GJA9: variants seen among roughly 807,000 people sequenced by gnomAD.
The protein encoded by GJA9 is gap junction alpha-9 protein.
Under a neutral mutation model 0.4 loss-of-function variants are expected in GJA9, and 1 was observed. The observed-to-expected ratio is 2.50, with a 90% CI of 0.89 to 11.88. The LOEUF (loss-of-function observed/expected upper bound fraction) is 11.88. GJA9 is among the 30% of genes most tolerant of loss of function. The pLI, the probability that GJA9 is intolerant of heterozygous loss-of-function variation, is 0.12. For synonymous variants in GJA9, 190 were observed against 219.1 expected (o/e 0.87, Z 1.17); for missense variants, 550 against 602.8 (o/e 0.91, Z 0.92).
chr1:38,877,885 G>C (rs1343281189), intron 1 of GJA9, among the ~76,000 whole-genome samples: 1 of 152,264 alleles, frequency 6.6e-6, no homozygotes, highest in African/African-American at 2.4e-5. Flanking sequence ...GGCATTCAGT[G>C]AAACCAGAGG....
At chr1:38,876,606 C>CTG (rs1642591272) in intron 1 of GJA9, among the ~76,000 whole-genome samples, 1 of 152,072 alleles carries the variant, frequency 6.6e-6, no homozygotes, top group African/African-American at 2.4e-5. Flanking sequence ...CAATAATATA[C>CTG]TTAAATGTCA....
chr1:38,880,419 T>G (rs937212334), intron 1 of GJA9, among the ~76,000 whole-genome samples: 1 of 36,558 alleles, frequency 2.7e-5, no homozygotes, highest in Non-Finnish European at 6.0e-5. Flanking sequence ...AAATAAATAA[T>G]AATAATAATA....
rs1002084368 is a variant in GJA9 at position 38,874,208 on chromosome 1, A to G, written c.*343T>C. On this transcript the variant is annotated 3_prime_UTR_variant, in exon 2 of 2. Coordinates refer to ENST00000357771, the MANE Select transcript of GJA9 (RefSeq NM_030772.5). Reference sequence around the variant, plus strand: ...CCCAGTGTCCAAGGTGGAATTGTATAGATCAAGAACCATTTCCTAAGGCTG... The same window carrying G: ...CCCAGTGTCCAAGGTGGAATTGTATGGATCAAGAACCATTTCCTAAGGCTG... 22 of 345,378 alleles carry G rather than the reference A, an allele frequency of 6.4e-5. No individual in the cohort carries two copies. The highest frequency in any genetic ancestry group is 1.2e-4 in the Non-Finnish European group (21 of 181,854). The allele number at this position is 345,378 out of a possible 1,614,324, so 21.4% of individuals were successfully genotyped here. A position where few individuals can be genotyped will look rare whatever the true frequency, so the allele number is the denominator to read the frequency against.
In GJA9 at chr1:38,874,495, C is replaced by T. The variant is rs1163602818; in HGVS notation, c.*56G>A. 1.4e-6 allele frequency: 2 copies of T among 1,382,622 alleles called. No homozygotes were observed. Among genetic ancestry groups the T allele is most frequent in the Non-Finnish European group, 1.0e-6 (1 of 995,786 alleles). 85.6% of individuals were successfully genotyped at this position (1,382,622 alleles called of 1,614,324 possible). A position where few individuals can be genotyped will look rare whatever the true frequency, so the allele number is the denominator to read the frequency against. ...CCCTATCTATTTTTTCTGTGCCCCA[C>T]GACCACTAGGCTACTTCTCTGATAA... On this transcript the variant is annotated 3_prime_UTR_variant, in exon 2 of 2. Coordinates refer to ENST00000357771, the MANE Select transcript of GJA9 (RefSeq NM_030772.5).
In GJA9 at chr1:38,875,468, A is replaced by G. The variant is rs1183933757; in HGVS notation, c.631T>C (p.Phe211Leu). The change falls in exon 2 of 2, where the codon TTC (phenylalanine) becomes CTC (leucine). Residue 211 changes from phenylalanine (F) to leucine (L), a missense_variant. By Grantham distance (22) the Phe-to-Leu change is conservative. Transcript: ENST00000357771. ...GCTATAGATTGCATAAATAATAGGA[A>G]TATTGTCTTTTCTGTTGGTCTTGAG... is the stretch of plus-strand genomic sequence containing the variant. Reference protein sequence around the residue: ...FVSRPTEKTIFLLFMQSIATI... With the variant: ...FVSRPTEKTILLLFMQSIATI... 6.2e-7 allele frequency: 1 copy of G among 1,614,172 alleles called. No individual in the cohort carries two copies. Among genetic ancestry groups the G allele is most frequent in the African/African-American group, 1.3e-5 (1 of 75,068 alleles).
Position 38,874,609 on chromosome 1 carries a change from A to G in GJA9, c.1490T>C (p.Val497Ala). The change falls in exon 2 of 2, where the codon GTA becomes GCA. Residue 497 changes from valine (V) to alanine (A), a missense_variant. Coordinates refer to ENST00000357771, the MANE Select transcript of GJA9 (RefSeq NM_030772.5). The part of the protein sequence containing the change: ...CNNPVCPPNH[V>A]VSLTNNLIGR... ...AATGAGATTGTTCGTTAGGGACACT[A>G]CGTGATTTGGAGGACAAACAGGATT... The G allele has an allele frequency of 6.2e-7, 1 of 1,614,172 alleles. No individual in the cohort carries two copies. The highest frequency in any genetic ancestry group is 8.5e-7 in the Non-Finnish European group (1 of 1,180,022).
Position 38,875,196 on chromosome 1 carries a change from AT to A in GJA9, c.902del (p.Asn301IlefsTer15). ...GATTTGGCTGGAATACAGAAGATGAATTTAAACTAGGGTACACTGCAGTGTG... is the reference window on the plus strand; with the variant it reads ...GATTTGGCTGGAATACAGAAGATGAATTAAACTAGGGTACACTGCAGTGTG... Reference protein sequence around the residue: ...QTHTAVYPSLNSSSVFQPNPD... With the variant: ...QTHTAVYPSLXSSSVFQPNPD... On this transcript the variant is annotated frameshift_variant, in exon 2 of 2. Transcript: ENST00000357771. LOFTEE classifies it low-confidence loss of function (END_TRUNC). 1 of 1,614,156 alleles carries A rather than the reference AT, an allele frequency of 6.2e-7. No homozygotes were observed. Among genetic ancestry groups the A allele is most frequent in the Non-Finnish European group, 8.5e-7 (1 of 1,179,994 alleles).
intron 1 of GJA9, among the ~76,000 whole-genome samples, chr1:38,878,730 CTTT>C (rs1240029430): frequency 1.5e-4 from 15 of 103,420 alleles, no homozygotes; most frequent in Admixed American, 4.5e-4. Flanking sequence ...GTACCAGAAT[CTTT>C]TTTTTTTTTT....
At position 38,881,552 on chromosome 1, in the gene GJA9, A is replaced by G. The variant is rs1280037567; in HGVS notation, c.-216T>C. ...TATAGAGCAGATTCAGTTCAGTTGA[A>G]TGTAGTGAGTGAGTCATCCATCAAC... On this transcript the variant is annotated 5_prime_UTR_variant, in exon 1 of 2. Transcript: ENST00000357771. 5 of 689,568 alleles carry G rather than the reference A, an allele frequency of 7.3e-6. No homozygotes were observed. The Admixed American group carries it at 8.3e-5, about 12-fold the overall frequency. The allele number at this position is 689,568 out of a possible 1,614,324, so 42.7% of individuals were successfully genotyped here. A position where few individuals can be genotyped will look rare whatever the true frequency, so the allele number is the denominator to read the frequency against.
rs1294653508 is a variant in GJA9 at position 38,874,937 on chromosome 1, G to A, written c.1162C>T (p.Arg388Cys). 6.8e-6 allele frequency: 11 copies of A among 1,614,024 alleles called. No homozygotes were observed. Among genetic ancestry groups the A allele is most frequent in the African/African-American group, 1.3e-5 (1 of 74,916 alleles). The change falls in exon 2 of 2, where the codon CGT becomes TGT. Residue 388 changes from arginine (R) to cysteine (C), a missense_variant. Physicochemically the swap from Arg to Cys is radical, Grantham distance 180. Transcript: ENST00000357771. ...TCTATAGCAACACCTGGAATAGAAC[G>A]GTGACCTCTAGAGTAGTAGTTCCTT... Reference protein sequence around the residue: ...SKRNYYSRGHRSIPGVAIDGE... With the variant: ...SKRNYYSRGHCSIPGVAIDGE...
rs61745441 is a variant in GJA9 at position 38,874,709 on chromosome 1, A to G, written c.1390T>C (p.Ser464Pro). 7.0e-3 allele frequency: 11,376 copies of G among 1,614,154 alleles called. 57 individuals are homozygous for G. Among genetic ancestry groups the G allele is most frequent in the Middle Eastern group, 0.017 (101 of 6,062 alleles). The change falls in exon 2 of 2, where the codon TCA (serine) becomes CCA (proline). Residue 464 changes from serine (S) to proline (P), a missense_variant. Transcript: ENST00000357771. ...TCAGCAGTGTTTGGAATGTCAAGTGATTGAGAATCTCCTTGTGAAGGAGGA... is the reference window on the plus strand; with the variant it reads ...TCAGCAGTGTTTGGAATGTCAAGTGGTTGAGAATCTCCTTGTGAAGGAGGA... ...TLPPSQGDSQ[S>P]LDIPNTADSL...
In GJA9 at chr1:38,875,298, G is replaced by T. The variant is rs751073563; in HGVS notation, c.801C>A (p.Tyr267Ter). 6.2e-7 allele frequency: 1 copy of T among 1,614,134 alleles called. No homozygotes were observed. Among genetic ancestry groups the T allele is most frequent in the Non-Finnish European group, 8.5e-7 (1 of 1,180,018 alleles). Residue 267 changes from tyrosine (Y) to a stop codon, truncating the protein, a stop_gained, in exon 2 of 2, where the codon TAC becomes TAA. Transcript: ENST00000357771. LOFTEE classifies it low-confidence loss of function (END_TRUNC). Reference sequence around the variant, plus strand: ...TCAGTGAATTTGCAGATGTGCTCTGGTATTTGGCTACATTTTGTTTTGCCT... The same window carrying T: ...TCAGTGAATTTGCAGATGTGCTCTGTTATTTGGCTACATTTTGTTTTGCCT... ...ANKAKQNVAKYQSTSANSLKR... is the reference protein window; with the variant it reads ...ANKAKQNVAK
Position 38,874,472 on chromosome 1 carries a change from C to A in GJA9, c.*79G>T, listed in dbSNP as rs1642540388. ...TAACAGCTGGTCTTTAGAGCTGCCCCTATCTATTTTTTCTGTGCCCCACGA... is the reference window on the plus strand; with the variant it reads ...TAACAGCTGGTCTTTAGAGCTGCCCATATCTATTTTTTCTGTGCCCCACGA... On this transcript the variant is annotated 3_prime_UTR_variant, in exon 2 of 2. Transcript: ENST00000357771. 2 of 1,085,044 alleles carry A rather than the reference C, an allele frequency of 1.8e-6. No homozygotes were observed. The highest frequency in any genetic ancestry group is 3.2e-5 in the African/African-American group (2 of 62,606). 67.2% of individuals were successfully genotyped at this position (1,085,044 alleles called of 1,614,324 possible).
intron 1 of GJA9, among the ~76,000 whole-genome samples, chr1:38,879,177 G>C (rs563474829): frequency 6.6e-6 from 1 of 152,316 alleles, no homozygotes; most frequent in African/African-American, 2.4e-5. Context: ...AGTGGGGCAA[G>C]TTATAATTTA....
chr1:38,875,642 A>G lies in GJA9; in HGVS notation c.457T>C (p.Leu153=), dbSNP rs1430846824. 10 of 1,614,106 alleles carry G rather than the reference A, an allele frequency of 6.2e-6. No individual in the cohort carries two copies. In the South Asian group the frequency reaches 9.9e-5, roughly 16 times the overall value. Residue 153 remains leucine, a synonymous_variant, in exon 2 of 2, where the codon TTG becomes CTG. Transcript: ENST00000357771. ...KLNKAPLRGT[L]LCTYVIHIFT... ...ATGTGTATCACATAAGTGCAAAGCA[A>G]GGTTCCTCTGAGTGGAGCTTTATTT... is the stretch of plus-strand genomic sequence containing the variant.
At position 38,874,734 on chromosome 1, in the gene GJA9, A is replaced by G; in HGVS notation, c.1365T>C (p.Leu455=). The G allele has an allele frequency of 6.2e-7, 1 of 1,614,202 alleles. No individual in the cohort carries two copies. Among genetic ancestry groups the G allele is most frequent in the Non-Finnish European group, 8.5e-7 (1 of 1,180,026 alleles). The change falls in exon 2 of 2, where the codon CTT becomes CTC. Residue 455 remains leucine, a synonymous_variant. Transcript: ENST00000357771. ...ATTGAGAATCTCCTTGTGAAGGAGG[A>G]AGGGTTCTGACTGTGCCCTTTCTGA... is the stretch of plus-strand genomic sequence containing the variant. ...GQFRKGTVRT[L]PPSQGDSQSL... is the part of the protein sequence containing the mutation.
chr1:38,877,022 A>C (rs542920991), intron 1 of GJA9, among the ~76,000 whole-genome samples: 1 of 136,102 alleles, frequency 7.3e-6, no homozygotes, highest in Non-Finnish European at 1.6e-5. Context: ...GCCAATGCGC[A>C]TGGCCTAAAA....
chr1:38,877,841 C>T (rs532656041), intron 1 of GJA9, among the ~76,000 whole-genome samples: 2 of 152,142 alleles, frequency 1.3e-5, no homozygotes, highest in South Asian at 2.1e-4. Context: ...CATAGGAAAA[C>T]GAATATGCTT....
Position 38,876,021 on chromosome 1 carries a change from G to C in GJA9, c.78C>G (p.Leu26=), listed in dbSNP as rs142342464. 3 of 1,614,202 alleles carry C rather than the reference G, an allele frequency of 1.9e-6. No individual in the cohort carries two copies. The South Asian group carries it at 3.3e-5, about 18-fold the overall frequency. ...GCATTCGAAATATGAACAGGATGGT[G>C]AGCCAGATCTTTCCAATCATGGTGG... ...IHSTMIGKIW[L]TILFIFRMLV... The change falls in exon 2 of 2, where the codon CTC becomes CTG. Residue 26 remains leucine (L), a synonymous_variant. Transcript: ENST00000357771.
Sources: gnomAD v4.1 joint callset for allele counts (sites outside exome capture counted in the v4.1 genomes callset) on GRCh38, gnomAD v4.1.1 for gene constraint, MANE v1.5 for transcripts, NCBI Gene and HGNC (gene_info 2026-07-23, HGNC 2026-07-21) for gene names.